The following NLGN1 variants were observed in gnomAD, a reference collection of about 807,000 sequenced individuals.
NLGN1 encodes neuroligin 1.
In NLGN1, 12 loss-of-function variants were observed where a neutral mutation model predicts 65.5. That is an observed-to-expected ratio of 0.18 (90% confidence interval 0.12 to 0.30). The LOEUF is 0.30. Ranked by LOEUF, NLGN1 falls within the 10% of genes least tolerant of loss-of-function variation. The probability of loss-of-function intolerance (pLI) is 1.00; values close to 1 mark genes in which losing one functional copy is unlikely to be tolerated. For synonymous variants in NLGN1, 350 were observed against 359.5 expected (o/e 0.97, Z 0.30); for missense variants, 750 against 1,007.1 (o/e 0.74, Z 3.46).
intron 4 of NLGN1, among the ~76,000 whole-genome samples, chr3:173,810,321 A>C (rs556391350): frequency 1.5e-4 from 23 of 152,338 alleles, no homozygotes; most frequent in Non-Finnish European, 2.6e-4. Flanking sequence ...TTTGTCTAAC[A>C]GTAAAAAGGT....
At chr3:174,258,994 T>A (rs1306746699) in intron 4 of NLGN1, among the ~76,000 whole-genome samples, 1 of 152,146 alleles carries the variant, frequency 6.6e-6, no homozygotes, top group Non-Finnish European at 1.5e-5. Context: ...TATTGAAAAG[T>A]TTTAAAATCA....
chr3:173,785,867 T>C, intron 3 of NLGN1, among the ~76,000 whole-genome samples: 1 of 152,146 alleles, frequency 6.6e-6, no homozygotes, highest in Admixed American at 6.5e-5. Context: ...TTTCCATCTG[T>C]TGTGCCTCAT....
intron 4 of NLGN1, among the ~76,000 whole-genome samples, chr3:174,201,962 A>G (rs1734587086): frequency 6.6e-6 from 1 of 151,788 alleles, no homozygotes. Flanking sequence ...TTCTCTGTGT[A>G]CTTCTTATTC....
chr3:174,245,233 G>A (rs926465399), intron 4 of NLGN1, among the ~76,000 whole-genome samples: 7 of 151,984 alleles, frequency 4.6e-5, no homozygotes, highest in African/African-American at 1.7e-4. Flanking sequence ...TTTAAAAGTG[G>A]CATTTACAGT....
At chr3:173,916,351 G>T (rs1039390982) in intron 4 of NLGN1, among the ~76,000 whole-genome samples, 2 of 152,018 alleles carry the variant, frequency 1.3e-5, no homozygotes, top group African/African-American at 4.8e-5. Context: ...CAAATATTTT[G>T]CTCATTCATT....
rs73880602 is a variant in NLGN1 at position 173,873,540 on chromosome 3, G to T, written c.646+65708G>T. On this transcript the variant is annotated intron_variant, in intron 4 of 6. Transcript: ENST00000457714. ...GCATGTGTAATTGTAGATTTTGGGG[G>T]TTATTAACATAAAACAAGAAATTAT... 3.4e-3 allele frequency among the ~76,000 whole-genome samples: 520 copies of T among 152,254 alleles called. 2 individuals carry two copies. The highest frequency in any genetic ancestry group is 0.012 in the African/African-American group (502 of 41,562).
At chr3:173,569,248 A>C (rs1744230562) in intron 2 of NLGN1, among the ~76,000 whole-genome samples, 1 of 152,146 alleles carries the variant, frequency 6.6e-6, no homozygotes, top group Admixed American at 6.5e-5. Flanking sequence ...ATAAAACAAC[A>C]CGGATACCTG....
intron 2 of NLGN1, among the ~76,000 whole-genome samples, chr3:173,603,670 A>G (rs904311055): frequency 6.6e-6 from 1 of 152,264 alleles, no homozygotes; most frequent in East Asian, 1.9e-4. Context: ...TAGGAAACCT[A>G]TAAGCAAAAT....
At position 174,037,099 on chromosome 3, in the gene NLGN1, TC is replaced by T. The variant is rs755991067; in HGVS notation, c.646+229269del. On this transcript the variant is annotated intron_variant, in intron 4 of 6. Transcript: ENST00000457714. ...CTCTTCATAATAGAATGATTTGTAT[TC>T]CTTTGGGTATGTACCCCGTAATGGG... Among the ~76,000 whole-genome samples the T allele has an allele frequency of 2.0e-5, 3 of 152,286 alleles. No individual in the cohort carries two copies. The South Asian group carries it at 6.2e-4, about 32-fold the overall frequency.
chr3:174,120,929 G>C (rs1407852220), intron 4 of NLGN1, among the ~76,000 whole-genome samples: 1 of 152,136 alleles, frequency 6.6e-6, no homozygotes, highest in East Asian at 1.9e-4. Flanking sequence ...CTATAAGGAG[G>C]CCCAGCACTG....
chr3:174,279,115 T>C lies in NLGN1; in HGVS notation c.1114T>C (p.Leu372=), dbSNP rs369240876. The C allele has an allele frequency of 2.7e-5, 43 of 1,613,352 alleles. No individual in the cohort carries two copies. The highest frequency in any genetic ancestry group is 3.6e-5 in the Non-Finnish European group (43 of 1,179,550). The change falls in exon 6 of 7, where the codon TTG becomes CTG. Residue 372 remains leucine (L), a synonymous_variant. Transcript: ENST00000457714. This position sits in a 1 kb window ranked among gnomAD's most constrained non-coding sequence, Gnocchi z 4.7. ...TGTAATACCAGACGACCCCCAGATA[T>C]TGATGGAGCAAGGAGAGTTTCTCAA...
chr3:173,489,763 T>C (rs1479306332), intron 2 of NLGN1, among the ~76,000 whole-genome samples: 1 of 151,836 alleles, frequency 6.6e-6, no homozygotes, highest in African/African-American at 2.4e-5. Flanking sequence ...CCTGACTTTT[T>C]AATGATTGCC....
chr3:173,628,400 T>C (rs1413862685), intron 3 of NLGN1, among the ~76,000 whole-genome samples: 1 of 152,106 alleles, frequency 6.6e-6, no homozygotes, highest in African/African-American at 2.4e-5. Context: ...TAGACATTAA[T>C]AAGCATCCAC....
intron 3 of NLGN1, among the ~76,000 whole-genome samples, chr3:173,620,301 C>G (rs765292632): frequency 3.9e-5 from 6 of 152,020 alleles, no homozygotes; most frequent in Non-Finnish European, 7.4e-5. Flanking sequence ...TTGGCAGCTT[C>G]ATAGGGTTTG....
chr3:174,169,706 G>A lies in NLGN1; in HGVS notation c.647-105609G>A, dbSNP rs544263386. Among the ~76,000 whole-genome samples the A allele has an allele frequency of 9.2e-5, 14 of 152,110 alleles. No individual in the cohort carries two copies. In the South Asian group the frequency reaches 1.2e-3, roughly 14 times the overall value. On this transcript the variant is annotated intron_variant, in intron 4 of 6. Coordinates refer to ENST00000457714, the Ensembl canonical transcript of NLGN1. ...AGTGGGGCACCCAGCAATGGCACACGCAGATCAGTTCCAGGTCACTAAGCT... is the reference window on the plus strand; with the variant it reads ...AGTGGGGCACCCAGCAATGGCACACACAGATCAGTTCCAGGTCACTAAGCT...
chr3:173,433,941 A>G lies in NLGN1; in HGVS notation c.-389-1069A>G, dbSNP rs115985006. Among the ~76,000 whole-genome samples, 1,412 of 152,324 alleles carry G rather than the reference A, an allele frequency of 9.3e-3. 15 individuals carry two copies. The highest frequency in any genetic ancestry group is 0.033 in the African/African-American group (1,352 of 41,574). ...CATTAAGATTTGTTTATGATTTACT[A>G]TATAAAATGATGAAATATAGAAGAG... On this transcript the variant is annotated intron_variant, in intron 1 of 6. Coordinates refer to ENST00000457714, the Ensembl canonical transcript of NLGN1.
At chr3:173,912,285 G>A (rs993773479) in intron 4 of NLGN1, among the ~76,000 whole-genome samples, 8 of 152,032 alleles carry the variant, frequency 5.3e-5, no homozygotes, top group South Asian at 2.1e-4. Flanking sequence ...TTCCACTCCC[G>A]GGATTTTATC....
intron 4 of NLGN1, among the ~76,000 whole-genome samples, chr3:173,897,411 A>G (rs145538441): frequency 4.6e-5 from 7 of 152,322 alleles, no homozygotes; most frequent in African/African-American, 1.2e-4. Context: ...TTTAGTTCCT[A>G]TAAATATATC....
intron 4 of NLGN1, among the ~76,000 whole-genome samples, chr3:174,249,069 A>G (rs1744314428): frequency 6.6e-6 from 1 of 152,226 alleles, no homozygotes; most frequent in Non-Finnish European, 1.5e-5. Flanking sequence ...GTGCCCATAT[A>G]TTTGTCTCTT....
Sources: gnomAD v4.1 joint callset for allele counts (sites outside exome capture counted in the v4.1 genomes callset) on GRCh38, gnomAD v4.1.1 for gene constraint, Gnocchi (gnomAD v3.1) non-coding constraint, MANE v1.5 for transcripts, NCBI Gene and HGNC (gene_info 2026-07-23, HGNC 2026-07-21) for gene names.